The following RORA variants were observed in gnomAD, a reference collection of about 807,000 sequenced individuals.
The protein encoded by RORA is nuclear receptor ROR-alpha.
RORA carries 7 observed loss-of-function variants against 69.5 expected under a neutral mutation model. That is an observed-to-expected ratio of 0.10 (90% CI 0.06 to 0.19). The LOEUF is 0.19. Among genes scored for constraint, RORA ranks in the 10% least tolerant of loss-of-function variants. RORA has a pLI of 1.00. For synonymous variants in RORA, 261 were observed against 240.8 expected (o/e 1.08, Z -0.78); for missense variants, 457 against 663.0 (o/e 0.69, Z 3.41).
At chr15:61,026,169 AT>A (rs1357236389) in intron 1 of RORA, among the ~76,000 whole-genome samples, 2 of 152,178 alleles carry the variant, frequency 1.3e-5, no homozygotes, top group African/African-American at 4.8e-5. Context: ...ATTTAATTTT[AT>A]TCCCTAGCAA....
intron 2 of RORA, among the ~76,000 whole-genome samples, chr15:60,605,555 T>C (rs1286318298): frequency 6.6e-6 from 1 of 152,198 alleles, no homozygotes; most frequent in East Asian, 1.9e-4. Flanking sequence ...TCAAAATTTA[T>C]ACAGATGGTT....
intron 1 of RORA, among the ~76,000 whole-genome samples, chr15:61,096,609 G>T (rs1198604300): frequency 6.6e-6 from 1 of 152,188 alleles, no homozygotes; most frequent in African/African-American, 2.4e-5. Context: ...TGGGGAAACT[G>T]ACTTGTCCAA....
At chr15:60,931,998 C>A (rs1892387022) in intron 1 of RORA, among the ~76,000 whole-genome samples, 2 of 151,780 alleles carry the variant, frequency 1.3e-5, no homozygotes, top group Admixed American at 6.6e-5. Context: ...ATCCTGAATT[C>A]TCAAAGCAAT....
At chr15:60,946,881 C>T (rs1323293746) in intron 1 of RORA, among the ~76,000 whole-genome samples, 3 of 151,852 alleles carry the variant, frequency 2.0e-5, no homozygotes, top group East Asian at 3.9e-4. Flanking sequence ...TGCCCCGCCG[C>T]CCCGTCTGGG....
chr15:60,974,997 T>C (rs12913558), intron 1 of RORA, among the ~76,000 whole-genome samples: 79,410 of 152,082 alleles, frequency 0.52, 20,848 homozygotes, highest in South Asian at 0.56. Flanking sequence ...AGAGGTGGGA[T>C]CTGGGCAGGT....
At chr15:61,122,707 T>A (rs2079114259) in intron 1 of RORA, among the ~76,000 whole-genome samples, 1 of 152,294 alleles carries the variant, frequency 6.6e-6, no homozygotes, top group South Asian at 2.1e-4. Context: ...GACAGGTGTC[T>A]GGAATCCCTC....
intron 1 of RORA, chr15:61,039,152 A>G (rs1896608275): frequency 6.6e-6 from 1 of 152,230 alleles, no homozygotes; most frequent in Admixed American, 6.5e-5. Context: ...AAGATTTTGA[A>G]ACACTACAGG....
rs12899389 is a variant in RORA at position 60,820,454 on chromosome 15, C to T, written c.167-141768G>A. Among the ~76,000 whole-genome samples the T allele has an allele frequency of 2.0e-5, 3 of 151,984 alleles. No homozygotes were observed. The South Asian group carries it at 6.2e-4, about 32-fold the overall frequency. ...AGAAACGGACAGACCCTTGATTAAA[C>T]CTTCTATATTTTTATGTAAAACATA... On this transcript the variant is annotated intron_variant, in intron 1 of 10. Coordinates refer to ENST00000335670, the MANE Select transcript of RORA (RefSeq NM_134261.3).
At chr15:60,645,812 T>A (rs58005833) in intron 2 of RORA, among the ~76,000 whole-genome samples, 14,321 of 140,624 alleles carry the variant, frequency 0.1, 1,211 homozygotes, top group African/African-American at 0.24. Context: ...TTTTTTTTTT[T>A]AAAAAATTAA....
At chr15:61,137,055 GAAAGAAAGA>G (rs1567006607) in intron 1 of RORA, among the ~76,000 whole-genome samples, 4 of 145,126 alleles carry the variant, frequency 2.8e-5, no homozygotes, top group African/African-American at 1.1e-4. Flanking sequence ...AAGAAAGAAA[GAAAGAAAGA>G]AAGAAAGAAA....
rs187268537 is a variant in RORA, at chr15:60,769,311, C to A, written c.167-90625G>T. Among the ~76,000 whole-genome samples the A allele has an allele frequency of 3.9e-5, 6 of 152,212 alleles. No individual in the cohort carries two copies. In the East Asian group the frequency reaches 1.2e-3, roughly 29 times the overall value. On this transcript the variant is annotated intron_variant, in intron 1 of 10. Transcript: ENST00000335670. Reference sequence around the variant, plus strand: ...TGCAAATATAATATGAAGCAGAAAACCTGTTAACTCTTTTTGTCTCGTCTT... The same window carrying A: ...TGCAAATATAATATGAAGCAGAAAAACTGTTAACTCTTTTTGTCTCGTCTT...
At position 60,787,547 on chromosome 15, in the gene RORA, A is replaced by G. The variant is rs2072354456; in HGVS notation, c.167-108861T>C. Among the ~76,000 whole-genome samples the G allele has an allele frequency of 2.0e-5, 3 of 152,242 alleles. No homozygotes were observed. The South Asian group carries it at 6.2e-4, about 32-fold the overall frequency. On this transcript the variant is annotated intron_variant, in intron 1 of 10. Coordinates refer to ENST00000335670, the MANE Select transcript of RORA (RefSeq NM_134261.3). ...TAACAGAAATACAGCTTAACTAACC[A>G]AGGGATACATACAATTGTTCTTACA...
chr15:61,200,373 T>C (rs1849898051), intron 1 of RORA, among the ~76,000 whole-genome samples: 2 of 152,002 alleles, frequency 1.3e-5, no homozygotes, highest in African/African-American at 2.4e-5. Flanking sequence ...CAGAGTGGTG[T>C]CATGTTGTAC....
chr15:60,757,024 T>C (rs1175950346), intron 1 of RORA, among the ~76,000 whole-genome samples: 1 of 152,234 alleles, frequency 6.6e-6, no homozygotes, highest in Non-Finnish European at 1.5e-5. Flanking sequence ...TTATCTAAAA[T>C]GACGCATACA....
intron 3 of RORA, among the ~76,000 whole-genome samples, chr15:60,524,659 CTTGT>C (rs2066288055): frequency 2.0e-5 from 3 of 152,278 alleles, no homozygotes; most frequent in African/African-American, 7.2e-5. Flanking sequence ...GCCTGACTGC[CTTGT>C]TTCTTTGTTT....
At chr15:60,906,808 C>T (rs1243193021) in intron 1 of RORA, among the ~76,000 whole-genome samples, 1 of 152,026 alleles carries the variant, frequency 6.6e-6, no homozygotes, top group East Asian at 1.9e-4. Flanking sequence ...AAAACTTGTA[C>T]CTGCATTTTT....
intron 1 of RORA, among the ~76,000 whole-genome samples, chr15:60,936,601 CCT>C (rs1491071102): frequency 2.7e-5 from 4 of 147,958 alleles, no homozygotes; most frequent in African/African-American, 7.3e-5. Context: ...TCTATCCACC[CCT>C]GAGAGCAACT....
At chr15:60,539,466 G>A (rs994202189) in intron 2 of RORA, among the ~76,000 whole-genome samples, 1 of 152,198 alleles carries the variant, frequency 6.6e-6, no homozygotes, top group African/African-American at 2.4e-5. Context: ...TCATCTAGAA[G>A]AACAGTGGGT....
intron 1 of RORA, among the ~76,000 whole-genome samples, chr15:61,093,569 A>C (rs979068669): frequency 6.6e-6 from 1 of 152,246 alleles, no homozygotes; most frequent in African/African-American, 2.4e-5. Context: ...GCAGGAGAGT[A>C]ATCTATACCC....
Sources: allele counts gnomAD v4.1 joint callset (sites outside exome capture counted in the v4.1 genomes callset), GRCh38; gene constraint gnomAD v4.1.1; transcripts MANE v1.5; gene names NCBI Gene and HGNC (gene_info 2026-07-23, HGNC 2026-07-21).